KSR2: variants seen among roughly 807,000 people sequenced by gnomAD.
KSR2 encodes kinase suppressor of ras 2.
In KSR2, 25 loss-of-function variants were observed where a neutral mutation model predicts 107.8. The observed-to-expected ratio is 0.23, with a 90% CI of 0.17 to 0.32. The LOEUF (loss-of-function observed/expected upper bound fraction) is 0.32, where lower values mean the gene tolerates loss of function less well. Ranked by LOEUF, KSR2 falls within the 10% of genes least tolerant of loss-of-function variation. KSR2 has a pLI of 1.00. For synonymous variants in KSR2, 480 were observed against 507.0 expected (o/e 0.95, Z 0.71); for missense variants, 887 against 1,268.9 (o/e 0.70, Z 4.57).
At chr12:117,905,239 A>T in intron 1 of KSR2, among the ~76,000 whole-genome samples, 1 of 152,120 alleles carries the variant, frequency 6.6e-6, no homozygotes, top group East Asian at 1.9e-4. Flanking sequence ...TTCCCGTAGG[A>T]GATAGCTTAT....
rs182066373 is a variant in KSR2, at chr12:117,459,311, G to T, written c.*7888C>A. ...CTCTTAGAAGGGACCTGACTTAGGG[G>T]AGTTTATTATAGCTTCCCTCTCTGG... On this transcript the variant is annotated 3_prime_UTR_variant, in exon 20 of 20. Coordinates refer to ENST00000339824, the MANE Select transcript of KSR2 (RefSeq NM_173598.6). 2.6e-4 allele frequency: 40 copies of T among 152,232 alleles called. No homozygotes were observed. Among genetic ancestry groups the T allele is most frequent in the Admixed American group, 2.6e-3 (39 of 15,292 alleles). 9.4% of individuals were successfully genotyped at this position (152,232 alleles called of 1,614,324 possible). A position where few individuals can be genotyped will look rare whatever the true frequency, so the allele number is the denominator to read the frequency against.
chr12:117,815,933 C>T (rs1379613917), intron 3 of KSR2, among the ~76,000 whole-genome samples: 1 of 149,870 alleles, frequency 6.7e-6, no homozygotes, highest in African/African-American at 2.5e-5. Flanking sequence ...CAAGATGGTG[C>T]CACTTCACTC....
intron 5 of KSR2, among the ~76,000 whole-genome samples, chr12:117,610,023 G>A (rs111278957): frequency 2.0e-5 from 3 of 152,252 alleles, no homozygotes; most frequent in African/African-American, 7.2e-5. Flanking sequence ...ACACAGGGAC[G>A]CATGCATGAC....
At chr12:117,609,688 T>A (rs1517196) in intron 5 of KSR2, among the ~76,000 whole-genome samples, 1 of 152,128 alleles carries the variant, frequency 6.6e-6, no homozygotes, top group African/African-American at 2.4e-5. Flanking sequence ...AGAGGCCATA[T>A]GACAGGGCTC....
At chr12:117,640,099 TC>T (rs149008276) in intron 5 of KSR2, among the ~76,000 whole-genome samples, 25,167 of 152,102 alleles carry the variant, frequency 0.17, 2,172 homozygotes, top group Middle Eastern at 0.23. Context: ...TGGTATCGAA[TC>T]CATTCAATAT....
At chr12:117,838,499 C>T (rs1291658756) in intron 3 of KSR2, among the ~76,000 whole-genome samples, 1 of 152,192 alleles carries the variant, frequency 6.6e-6, no homozygotes, top group East Asian at 1.9e-4. Context: ...TTGGGTGAAA[C>T]TGATGTGGGT....
At chr12:117,571,147 A>C (rs1666605768) in intron 7 of KSR2, among the ~76,000 whole-genome samples, 4 of 152,116 alleles carry the variant, frequency 2.6e-5, no homozygotes, top group African/African-American at 9.7e-5. Context: ...AATCCCAGCT[A>C]CTCAGGAGGC....
At chr12:117,681,825 G>A (rs1885375753) in intron 4 of KSR2, among the ~76,000 whole-genome samples, 1 of 152,172 alleles carries the variant, frequency 6.6e-6, no homozygotes. Context: ...TGGCAGGAAT[G>A]CAAATTAATT....
intron 5 of KSR2, among the ~76,000 whole-genome samples, chr12:117,656,981 G>GAGATATATATATATAATAGGAT (rs1254292550): frequency 1.0e-5 from 1 of 98,210 alleles, no homozygotes; most frequent in Non-Finnish European, 1.9e-5. Context: ...TATATAATAG[G>GAGATATATATATATAATAGGAT]ATATATATAT....
At chr12:117,777,691 C>T (rs1015283872) in intron 3 of KSR2, among the ~76,000 whole-genome samples, 5 of 152,200 alleles carry the variant, frequency 3.3e-5, no homozygotes, top group South Asian at 2.1e-4. Flanking sequence ...GAGCCCTGGA[C>T]TCACCTTCTC....
Position 117,731,346 on chromosome 12 carries a change from G to A in KSR2, c.986+29665C>T, listed in dbSNP as rs1227258272. Among the ~76,000 whole-genome samples the A allele has an allele frequency of 2.1e-4, 28 of 133,050 alleles. 1 individual carries two copies. The highest frequency in any genetic ancestry group is 2.8e-4 in the African/African-American group (9 of 32,458). 87.3% of individuals were successfully genotyped at this position (133,050 alleles called of 152,430 possible). A position where few individuals can be genotyped will look rare whatever the true frequency, so the allele number is the denominator to read the frequency against. On this transcript the variant is annotated intron_variant, in intron 4 of 19. Coordinates refer to ENST00000339824, the MANE Select transcript of KSR2 (RefSeq NM_173598.6). The stretch of plus-strand genomic sequence containing the variant: ...CGTCTGAGAAGTGAGGAGCCCCCCC[G>A]CCCAGCAGCCGCCCTGTCTGGGAAG...
intron 4 of KSR2, among the ~76,000 whole-genome samples, chr12:117,730,675 G>C (rs145475521): frequency 2.6e-5 from 4 of 152,156 alleles, no homozygotes; most frequent in African/African-American, 9.7e-5. Context: ...CGCCTGACTG[G>C]TTTTTGTATT....
chr12:117,553,192 T>C (rs1023764296), intron 9 of KSR2, among the ~76,000 whole-genome samples: 1 of 152,126 alleles, frequency 6.6e-6, no homozygotes, highest in Non-Finnish European at 1.5e-5. Flanking sequence ...CCAACTTCAC[T>C]CAGCTGCTGA....
chr12:117,789,734 T>A (rs1345575610), intron 3 of KSR2, among the ~76,000 whole-genome samples: 1 of 152,138 alleles, frequency 6.6e-6, no homozygotes, highest in African/African-American at 2.4e-5. Context: ...CCTCCACCAA[T>A]TCCTCCTATA....
chr12:117,531,087 C>T (rs1485452047), intron 11 of KSR2, 74 bp from the exon 12 acceptor site: 19 of 1,252,146 alleles, frequency 1.5e-5, no homozygotes, highest in South Asian at 1.2e-4. Context: ...GATTCCTGGG[C>T]GACATGGCAG....
intron 4 of KSR2, among the ~76,000 whole-genome samples, chr12:117,691,384 C>G (rs772700436): frequency 1.3e-5 from 2 of 152,164 alleles, no homozygotes; most frequent in Admixed American, 1.3e-4. Flanking sequence ...TCGCCTTGAG[C>G]CACAGCCACC....
chr12:117,499,938 G>T (rs776059170), intron 14 of KSR2, among the ~76,000 whole-genome samples: 5 of 152,170 alleles, frequency 3.3e-5, no homozygotes, highest in Non-Finnish European at 7.3e-5. Flanking sequence ...GTGTAAGGCA[G>T]TCAGCCGGGG....
chr12:117,619,796 T>C (rs113446479), intron 5 of KSR2, among the ~76,000 whole-genome samples: 1,934 of 152,082 alleles, frequency 0.013, 48 homozygotes, highest in African/African-American at 0.045. Flanking sequence ...GACAGCTTTA[T>C]TGAAGTATGA....
chr12:117,730,777 C>T lies in KSR2; in HGVS notation c.986+30234G>A, dbSNP rs913446156. Among the ~76,000 whole-genome samples the T allele has an allele frequency of 1.4e-4, 22 of 152,324 alleles. No individual in the cohort carries two copies. In the South Asian group the frequency reaches 2.1e-3, roughly 14 times the overall value. ...TGCCCGCCTCGGCCTCCCGAGGTGC[C>T]GGGATTGCAGACGGAGTCTCGCTCA... On this transcript the variant is annotated intron_variant, in intron 4 of 19. Transcript: ENST00000339824.
Sources: allele counts gnomAD v4.1 joint callset (sites outside exome capture counted in the v4.1 genomes callset), GRCh38; gene constraint gnomAD v4.1.1; transcripts MANE v1.5; gene names NCBI Gene and HGNC (gene_info 2026-07-23, HGNC 2026-07-21).